The following NRG1 variants were observed in gnomAD, a reference collection of about 807,000 sequenced individuals.
NRG1 encodes the protein pro-neuregulin-1, membrane-bound isoform.
NRG1 carries 18 observed loss-of-function variants against 63.8 expected under a neutral mutation model. The observed-to-expected ratio is 0.28, with a 90% CI of 0.19 to 0.42. The LOEUF is 0.42. Ranked by LOEUF, NRG1 falls within the 10% of genes least tolerant of loss-of-function variation. The pLI, the probability that NRG1 is intolerant of heterozygous loss-of-function variation, is 1.00. For missense variants in NRG1, 762 were observed against 814.7 expected, an observed-to-expected ratio of 0.94 and a Z score of 0.79; for synonymous variants, 302 against 301.3, an observed-to-expected ratio of 1.00 and a Z score of -0.02.
chr8:32,127,039 T>C (rs1188144087), intron 1 of NRG1, among the ~76,000 whole-genome samples: 1 of 151,880 alleles, frequency 6.6e-6, no homozygotes, highest in Non-Finnish European at 1.5e-5. Flanking sequence ...TTGGGTTTGG[T>C]CTCCATTTTG....
chr8:32,638,062 A>G (rs1851657862), intron 5 of NRG1, among the ~76,000 whole-genome samples: 1 of 152,192 alleles, frequency 6.6e-6, no homozygotes, highest in Admixed American at 6.5e-5. Context: ...GTATGCAACT[A>G]AAAGCTTTCC....
chr8:31,752,515 C>T (rs1816584538), intron 1 of NRG1, among the ~76,000 whole-genome samples: 1 of 152,030 alleles, frequency 6.6e-6, no homozygotes, highest in Admixed American at 6.6e-5. Context: ...ATTTATTTAA[C>T]ATCCAGTATA....
chr8:32,102,523 G>A (rs1437225371), intron 1 of NRG1, among the ~76,000 whole-genome samples: 2 of 152,178 alleles, frequency 1.3e-5, no homozygotes, highest in Non-Finnish European at 2.9e-5. Context: ...TTACAGTCTG[G>A]AGAAGGAGAC....
intron 1 of NRG1, among the ~76,000 whole-genome samples, chr8:31,991,779 A>G (rs1364410661): frequency 6.6e-6 from 1 of 151,258 alleles, no homozygotes; most frequent in East Asian, 1.9e-4. Context: ...TCCTTCCCCA[A>G]TTTCCCTTTT....
chr8:31,729,929 C>G (rs533120434), intron 1 of NRG1, among the ~76,000 whole-genome samples: 31 of 152,250 alleles, frequency 2.0e-4, no homozygotes, highest in Non-Finnish European at 3.4e-4. Context: ...CCAATTCTTT[C>G]TCTAAGTGGG....
Position 32,053,846 on chromosome 8 carries a change from C to T in NRG1, c.37+414415C>T, listed in dbSNP as rs114217403. Among the ~76,000 whole-genome samples the T allele has an allele frequency of 4.1e-3, 621 of 152,322 alleles. 4 individuals carry two copies. Among genetic ancestry groups the T allele is most frequent in the African/African-American group, 0.014 (595 of 41,580 alleles). ...TCTTTAAATGCTATAAATGTTACTA[C>T]ATATCTGTGCTGTTTGTGGGACAGC... is the stretch of plus-strand genomic sequence containing the variant. On this transcript the variant is annotated intron_variant, in intron 1 of 10. Coordinates refer to the NRG1 transcript ENST00000519301.
At chr8:31,715,693 G>A (rs983979284) in intron 1 of NRG1, among the ~76,000 whole-genome samples, 2 of 152,082 alleles carry the variant, frequency 1.3e-5, no homozygotes, top group Admixed American at 1.3e-4. Flanking sequence ...TGTTGGGTGC[G>A]GGGAGCAAAA....
At chr8:32,115,388 T>TTA (rs930773179) in intron 1 of NRG1, among the ~76,000 whole-genome samples, 8 of 152,068 alleles carry the variant, frequency 5.3e-5, no homozygotes, top group Admixed American at 2.6e-4. Context: ...AATGCATATG[T>TTA]TATATATATA....
chr8:31,807,932 G>T (rs762497096), intron 1 of NRG1, among the ~76,000 whole-genome samples: 1 of 146,546 alleles, frequency 6.8e-6, no homozygotes, highest in African/African-American at 2.5e-5. Flanking sequence ...TCTTTTTTAA[G>T]GCTCAAGAGT....
chr8:32,074,329 T>C lies in NRG1; in HGVS notation c.37+434898T>C, dbSNP rs149747698. Among the ~76,000 whole-genome samples, 1,180 of 152,290 alleles carry C rather than the reference T, an allele frequency of 7.7e-3. 9 individuals are homozygous for C. The highest frequency in any genetic ancestry group is 0.012 in the Non-Finnish European group (830 of 68,018). On this transcript the variant is annotated intron_variant, in intron 1 of 10. Transcript: ENST00000519301. ...TAGTTCCCTTATTCTTCAAACCTGA[T>C]GTTAGCAGGGAGGTCAGATACTCAA...
chr8:31,657,969 T>C (rs547274729), intron 1 of NRG1, among the ~76,000 whole-genome samples: 1 of 152,316 alleles, frequency 6.6e-6, no homozygotes, highest in African/African-American at 2.4e-5. Context: ...CCAACGTGGG[T>C]ACCTGTTGCT....
intron 1 of NRG1, among the ~76,000 whole-genome samples, chr8:32,319,147 G>A (rs984286135): frequency 1.4e-4 from 22 of 152,090 alleles, no homozygotes; most frequent in Non-Finnish European, 2.8e-4. Context: ...GATCCCCTAT[G>A]CAGTGTCTAT....
At chr8:32,653,033 A>G (rs1049732330) in intron 5 of NRG1, among the ~76,000 whole-genome samples, 3 of 152,220 alleles carry the variant, frequency 2.0e-5, no homozygotes, top group Non-Finnish European at 4.4e-5. Flanking sequence ...AGCATAAACT[A>G]CATTCCGTCT....
intron 5 of NRG1, among the ~76,000 whole-genome samples, chr8:32,711,582 G>A (rs919860158): frequency 6.6e-6 from 1 of 152,190 alleles, no homozygotes; most frequent in Non-Finnish European, 1.5e-5. Context: ...AAGTTATGCT[G>A]TAATGTTACG....
chr8:31,857,211 C>T (rs1027381387), intron 1 of NRG1, among the ~76,000 whole-genome samples: 1 of 152,256 alleles, frequency 6.6e-6, no homozygotes, highest in Non-Finnish European at 1.5e-5. Context: ...CCTCCCCCAG[C>T]CTGCTGCCGC....
intron 1 of NRG1, among the ~76,000 whole-genome samples, chr8:32,183,414 C>A (rs1017468251): frequency 6.6e-6 from 1 of 152,090 alleles, no homozygotes; most frequent in African/African-American, 2.4e-5. Flanking sequence ...TTTTTCTTTT[C>A]TTTTTCTGTT....
At position 32,618,388 on chromosome 8, in the gene NRG1, T is replaced by C. The variant is rs1588729117; in HGVS notation, c.502+1503T>C. Among the ~76,000 whole-genome samples the C allele has an allele frequency of 2.0e-5, 3 of 152,288 alleles. No homozygotes were observed. The East Asian group carries it at 5.8e-4, about 29-fold the overall frequency. On this transcript the variant is annotated intron_variant, in intron 5 of 11. Transcript: ENST00000356819. Reference sequence around the variant, plus strand: ...CTATCCTTAAGCATATCTGAGCAGTTTGAGAATGTAAAAAAATACTTTTGG... The same window carrying C: ...CTATCCTTAAGCATATCTGAGCAGTCTGAGAATGTAAAAAAATACTTTTGG...
chr8:31,639,453 A>T, intron 1 of NRG1: 1 of 1,533,214 alleles, frequency 6.5e-7, no homozygotes, highest in Non-Finnish European at 8.7e-7. Flanking sequence ...GGCGAGGCGC[A>T]GGACGCTGTC....
chr8:31,727,897 G>T (rs1381831630), intron 1 of NRG1, among the ~76,000 whole-genome samples: 2 of 152,092 alleles, frequency 1.3e-5, no homozygotes, highest in African/African-American at 4.8e-5. Context: ...CATCATGAAG[G>T]AAAATAAAGG....
Sources: gnomAD v4.1 joint callset for allele counts (sites outside exome capture counted in the v4.1 genomes callset) on GRCh38, gnomAD v4.1.1 for gene constraint, MANE v1.5 for transcripts, NCBI Gene and HGNC (gene_info 2026-07-23, HGNC 2026-07-21) for gene names.